The following INSC variants were observed in gnomAD, a reference collection of about 807,000 sequenced individuals.
The protein encoded by INSC is protein inscuteable homolog.
In INSC, 67 loss-of-function variants were observed where a neutral mutation model predicts 58.6. That is an observed-to-expected ratio of 1.14 (90% CI 0.94 to 1.40). INSC has a LOEUF of 1.40. Among genes scored for constraint, INSC ranks in the 40% most tolerant of loss-of-function variants. The pLI is 0.00. For synonymous variants in INSC, 262 were observed against 276.1 expected, an observed-to-expected ratio of 0.95 and a Z score of 0.51; for missense variants, 714 against 692.0, an observed-to-expected ratio of 1.03 and a Z score of -0.36.
intron 2 of INSC, among the ~76,000 whole-genome samples, chr11:15,162,970 A>T (rs1849069177): frequency 1.3e-5 from 2 of 152,170 alleles, no homozygotes; most frequent in African/African-American, 4.8e-5. Context: ...TCAAGTAAAA[A>T]ATCTGGTTCT....
At chr11:15,240,945 C>T (rs1472816352) in intron 12 of INSC, among the ~76,000 whole-genome samples, 1 of 152,166 alleles carries the variant, frequency 6.6e-6, no homozygotes, top group Non-Finnish European at 1.5e-5. Flanking sequence ...AGCCCATCTG[C>T]TGGTGCTCTT....
chr11:15,259,321 G>T, the INSC span, among the ~76,000 whole-genome samples: 2 of 152,010 alleles, frequency 1.3e-5, no homozygotes, highest in Admixed American at 6.6e-5. Context: ...TTGTTTGACA[G>T]GAAAAATTTT....
chr11:15,118,060 A>C (rs1275867975), intron 1 of INSC, among the ~76,000 whole-genome samples: 2 of 152,074 alleles, frequency 1.3e-5, no homozygotes, highest in Admixed American at 6.6e-5. Context: ...ACCCTGCCCA[A>C]CTCAGGGCTC....
At chr11:15,209,090 GAAA>G (rs1850922150) in intron 7 of INSC, among the ~76,000 whole-genome samples, 1 of 152,168 alleles carries the variant, frequency 6.6e-6, no homozygotes, top group Non-Finnish European at 1.5e-5. Flanking sequence ...TCTTGGAGTG[GAAA>G]TCTTCCTAGG....
intron 1 of INSC, among the ~76,000 whole-genome samples, chr11:15,119,640 G>A (rs1326863404): frequency 6.6e-6 from 1 of 152,196 alleles, no homozygotes; most frequent in Admixed American, 6.5e-5. Flanking sequence ...TGTGAAATGT[G>A]GCCTGTGGTT....
upstream of INSC, among the ~76,000 whole-genome samples, chr11:15,114,130 G>T (rs1414180359): frequency 4.0e-5 from 6 of 151,422 alleles, no homozygotes; most frequent in African/African-American, 1.5e-4. Flanking sequence ...AGGCGGGGGA[G>T]GGGGAGTTGT....
At chr11:15,122,792 C>A (rs1415462025) in intron 1 of INSC, among the ~76,000 whole-genome samples, 7 of 152,174 alleles carry the variant, frequency 4.6e-5, no homozygotes, top group African/African-American at 1.7e-4. Flanking sequence ...CCCCTGGTAC[C>A]CTTATATCCA....
intron 2 of INSC, among the ~76,000 whole-genome samples, chr11:15,159,590 G>T (rs1320868366): frequency 6.6e-6 from 1 of 152,180 alleles, no homozygotes; most frequent in African/African-American, 2.4e-5. Context: ...TACTGCACAT[G>T]ACATTGGAAC....
At chr11:15,225,246 T>C (rs1851587419) in intron 8 of INSC, among the ~76,000 whole-genome samples, 1 of 152,230 alleles carries the variant, frequency 6.6e-6, no homozygotes. Context: ...ACTTGTTTAT[T>C]TTCTCCCTCA....
chr11:15,114,722 G>A (rs1417794302), upstream of INSC, among the ~76,000 whole-genome samples: 2 of 152,192 alleles, frequency 1.3e-5, no homozygotes, highest in Non-Finnish European at 2.9e-5. Context: ...CCCCCCCAGG[G>A]GCACCGAAAT....
chr11:15,229,971 TATATATA>T (rs1851813221), intron 9 of INSC, among the ~76,000 whole-genome samples: 2 of 11,578 alleles, frequency 1.7e-4, no homozygotes, highest in Non-Finnish European at 3.1e-4. Flanking sequence ...TATATATATA[TATATATA>T]TTATATATAT....
At chr11:15,119,510 G>C (rs1292861392) in intron 1 of INSC, among the ~76,000 whole-genome samples, 1 of 152,212 alleles carries the variant, frequency 6.6e-6, no homozygotes, top group Non-Finnish European at 1.5e-5. Flanking sequence ...ACTCTGTTTG[G>C]TGTGATGCAG....
At chr11:15,212,391 C>T (rs1038948201) in intron 7 of INSC, among the ~76,000 whole-genome samples, 24 of 152,214 alleles carry the variant, frequency 1.6e-4, no homozygotes, top group Non-Finnish European at 5.9e-5. Context: ...CCTCAGCCTC[C>T]CAAAGTGCTG....
the INSC span, among the ~76,000 whole-genome samples, chr11:15,268,604 T>C: frequency 6.6e-6 from 1 of 152,102 alleles, no homozygotes; most frequent in African/African-American, 2.4e-5. Flanking sequence ...CCTTGACCTA[T>C]AAAAAGTGTT....
chr11:15,216,017 G>A (rs1458962144), intron 7 of INSC, among the ~76,000 whole-genome samples: 1 of 152,214 alleles, frequency 6.6e-6, no homozygotes, highest in Non-Finnish European at 1.5e-5. Context: ...AGTTTGGAAT[G>A]TAGACGTGGA....
At chr11:15,120,445 G>T (rs1395821688) in intron 1 of INSC, among the ~76,000 whole-genome samples, 2 of 152,190 alleles carry the variant, frequency 1.3e-5, no homozygotes, top group Non-Finnish European at 2.9e-5. Context: ...CAGTCAGAAA[G>T]GCCTTCCCGA....
At chr11:15,231,599 A>G (rs1851928542) in intron 9 of INSC, among the ~76,000 whole-genome samples, 1 of 152,250 alleles carries the variant, frequency 6.6e-6, no homozygotes, top group Non-Finnish European at 1.5e-5. Flanking sequence ...CAGAGTTAAC[A>G]CGGTGATAAT....
chr11:15,136,793 T>G (rs1455691509), intron 1 of INSC, among the ~76,000 whole-genome samples: 1 of 152,190 alleles, frequency 6.6e-6, no homozygotes, highest in African/African-American at 2.4e-5. Flanking sequence ...AAGTCATCCA[T>G]GAGGATTGGA....
chr11:15,149,137 A>C lies in INSC; in HGVS notation c.-38A>C. On this transcript the variant is annotated 5_prime_UTR_variant, in exon 2 of 13. Transcript: ENST00000379556. ...CCTGCCCTCTATTTTCAGGGTCACGACCGCTGCAAGCAGGCTTTGCTGCAG... is the reference window on the plus strand; with the variant it reads ...CCTGCCCTCTATTTTCAGGGTCACGCCCGCTGCAAGCAGGCTTTGCTGCAG... The C allele has an allele frequency of 6.2e-7, 1 of 1,608,112 alleles. No homozygotes were observed. The highest frequency in any genetic ancestry group is 1.1e-5 in the South Asian group (1 of 90,194).
Sources: gnomAD v4.1 joint callset for allele counts (sites outside exome capture counted in the v4.1 genomes callset) on GRCh38, gnomAD v4.1.1 for gene constraint, MANE v1.5 for transcripts, NCBI Gene and HGNC (gene_info 2026-07-23, HGNC 2026-07-21) for gene names.